Variants in ITSN2 observed in about 807,000 individuals in gnomAD.
ITSN2 encodes the protein intersectin-2.
ITSN2 carries 156 observed loss-of-function variants against 243.7 expected under a neutral mutation model. The ratio of observed to expected loss-of-function variants is 0.64; its 90% CI spans 0.56 to 0.73. The LOEUF (loss-of-function observed/expected upper bound fraction) is 0.73. Among genes scored for constraint, ITSN2 ranks in the 30% least tolerant of loss-of-function variants. The pLI is 0.00. For missense variants in ITSN2, 1,801 were observed against 1,996.1 expected, an observed-to-expected ratio of 0.90 and a Z score of 1.86; for synonymous variants, 703 against 699.9, an observed-to-expected ratio of 1.00 and a Z score of -0.07.
At chr2:24,270,814 T>C in intron 19 of ITSN2, 46 bp from the exon 20 acceptor site, 1 of 997,090 alleles carries the variant, frequency 1.0e-6, no homozygotes, top group Non-Finnish European at 1.6e-6. Context: ...CATGTATACA[T>C]CTTTGCTATG....
At chr2:24,358,866 T>C (rs1487637114) in intron 1 of ITSN2, among the ~76,000 whole-genome samples, 1 of 152,234 alleles carries the variant, frequency 6.6e-6, no homozygotes, top group Non-Finnish European at 1.5e-5. Context: ...TTAGTAATTC[T>C]GTACAGGTCA....
At chr2:24,346,656 T>C (rs1687558574) in intron 1 of ITSN2, among the ~76,000 whole-genome samples, 1 of 152,182 alleles carries the variant, frequency 6.6e-6, no homozygotes. Context: ...GGAAACTATG[T>C]GTGGGGTACA....
Position 24,316,155 on chromosome 2 carries a change from G to T in ITSN2, c.32-931C>A, listed in dbSNP as rs114799747. ...TGCACTGAGCAGACTAATAACTAGA[G>T]TTAGTAATAATAAACAGGTAGGGTG... is the stretch of plus-strand genomic sequence containing the variant. On this transcript the variant is annotated intron_variant, in intron 2 of 39. Transcript: ENST00000355123. Among the ~76,000 whole-genome samples the T allele has an allele frequency of 7.2e-5, 11 of 152,298 alleles. No individual in the cohort carries two copies. In the East Asian group the frequency reaches 2.1e-3, roughly 29 times the overall value.
At chr2:24,306,867 G>A (rs947899046) in intron 8 of ITSN2, among the ~76,000 whole-genome samples, 3 of 151,550 alleles carry the variant, frequency 2.0e-5, no homozygotes, top group African/African-American at 4.9e-5. Context: ...GTGCACTGGC[G>A]CAATCTCGGC....
intron 1 of ITSN2, chr2:24,330,719 T>G (rs1685690135): frequency 4.7e-6 from 3 of 634,988 alleles, no homozygotes; most frequent in African/African-American, 1.9e-5. Context: ...TGACAGTAGT[T>G]TGAAATACTA....
chr2:24,325,857 A>G (rs903408240), intron 2 of ITSN2, among the ~76,000 whole-genome samples: 10 of 152,172 alleles, frequency 6.6e-5, no homozygotes, highest in African/African-American at 2.2e-4. Context: ...CATTTACAGA[A>G]CATCTACTAT....
intron 30 of ITSN2, chr2:24,220,371 G>T (rs1670329791): frequency 1.4e-5 from 14 of 985,196 alleles, no homozygotes; most frequent in Non-Finnish European, 1.6e-5. Flanking sequence ...TCATTTTAAA[G>T]TGCTACTCGA....
At chr2:24,328,187 A>G (rs1234371033) in intron 1 of ITSN2, 72 bp from the exon 2 acceptor site, 3 of 1,051,630 alleles carry the variant, frequency 2.9e-6, no homozygotes, top group Non-Finnish European at 4.4e-6. Context: ...CCCGCTAAGC[A>G]GTAGGAATGT....
At chr2:24,333,046 G>T (rs1012506620) in intron 1 of ITSN2, among the ~76,000 whole-genome samples, 1 of 152,142 alleles carries the variant, frequency 6.6e-6, no homozygotes, top group Non-Finnish European at 1.5e-5. Flanking sequence ...ATCCCCACAA[G>T]GCAGATGATA....
At chr2:24,338,290 T>C (rs977253400) in intron 1 of ITSN2, among the ~76,000 whole-genome samples, 1 of 152,234 alleles carries the variant, frequency 6.6e-6, no homozygotes, top group Non-Finnish European at 1.5e-5. Context: ...CAGAAAATTT[T>C]TAAATCTACC....
At chr2:24,266,602 T>C (rs908355572) in intron 20 of ITSN2, among the ~76,000 whole-genome samples, 4 of 152,050 alleles carry the variant, frequency 2.6e-5, no homozygotes, top group Non-Finnish European at 4.4e-5. Flanking sequence ...TTATGAAATA[T>C]TATCCTGTAA....
rs1673795187 is a variant in ITSN2, at chr2:24,249,215, A to G, written c.3121-333T>C. Among the ~76,000 whole-genome samples, 1 of 152,206 alleles carries G rather than the reference A, an allele frequency of 6.6e-6. No homozygotes were observed. Among genetic ancestry groups the G allele is most frequent in the Non-Finnish European group, 1.5e-5 (1 of 68,024 alleles). On this transcript the variant is annotated intron_variant, in intron 25 of 39. Coordinates refer to ENST00000355123, the MANE Select transcript of ITSN2 (RefSeq NM_006277.3). This position sits in a 1 kb window ranked among gnomAD's most constrained non-coding sequence, Gnocchi z 4.4. ...CCATTTATCAATGGCGTTAGCACCAATGCCCACTATGCACAACATATGTGT... is the reference window on the plus strand; with the variant it reads ...CCATTTATCAATGGCGTTAGCACCAGTGCCCACTATGCACAACATATGTGT...
intron 5 of ITSN2, 49 bp from the exon 6 acceptor site, chr2:24,310,741 A>G: frequency 6.7e-7 from 1 of 1,492,546 alleles, no homozygotes; most frequent in Non-Finnish European, 9.2e-7. Flanking sequence ...ATCAATTATA[A>G]AACACATGCA....
At chr2:24,312,187 G>C in intron 5 of ITSN2, 25 bp downstream of exon 5, 7 of 1,556,980 alleles carry the variant, frequency 4.5e-6, no homozygotes, top group Non-Finnish European at 6.1e-6. Flanking sequence ...AGCAAATACA[G>C]GTATTTAAAT....
In ITSN2 at chr2:24,308,735, T is replaced by C. The variant is rs757081386; in HGVS notation, c.675A>G (p.Ser225=). ...CAGTCTTGGGTGAGTTCCCTGAGAGTGAAGCAGTCGAGGAAGTTGAGCTAT... is the reference window on the plus strand; with the variant it reads ...CAGTCTTGGGTGAGTTCCCTGAGAGCGAAGCAGTCGAGGAAGTTGAGCTAT... ...GSSSSTSSTA[S]LSGNSPKTGT... The change falls in exon 8 of 40, where the codon TCA becomes TCG. Residue 225 remains serine, a synonymous_variant. Transcript: ENST00000355123. 1 of 1,462,764 alleles carries C rather than the reference T, an allele frequency of 6.8e-7. No individual in the cohort carries two copies. Among genetic ancestry groups the C allele is most frequent in the Non-Finnish European group, 9.1e-7 (1 of 1,101,146 alleles). 90.6% of individuals were successfully genotyped at this position (1,462,764 alleles called of 1,614,324 possible).
intron 1 of ITSN2, among the ~76,000 whole-genome samples, chr2:24,346,271 A>G (rs927705463): frequency 6.6e-6 from 1 of 152,222 alleles, no homozygotes; most frequent in Non-Finnish European, 1.5e-5. Context: ...TGTGCTCTTG[A>G]TAAGATGAAA....
chr2:24,281,011 T>C (rs1286741244), intron 17 of ITSN2, among the ~76,000 whole-genome samples: 1 of 152,190 alleles, frequency 6.6e-6, no homozygotes, highest in Non-Finnish European at 1.5e-5. Context: ...ACCTGGTACA[T>C]CTATATCAAT....
intron 1 of ITSN2, among the ~76,000 whole-genome samples, chr2:24,348,185 C>T (rs1189840876): frequency 7.5e-6 from 1 of 133,988 alleles, no homozygotes; most frequent in Admixed American, 9.1e-5. Flanking sequence ...TTTTCAAATA[C>T]TATGATTTTT....
At chr2:24,325,520 G>A (rs1685073869) in intron 2 of ITSN2, among the ~76,000 whole-genome samples, 2 of 151,442 alleles carry the variant, frequency 1.3e-5, no homozygotes, top group African/African-American at 4.9e-5. Context: ...TCAACTAACA[G>A]AACCCTTTGA....
Sources: gnomAD v4.1 joint callset for allele counts (sites outside exome capture counted in the v4.1 genomes callset) on GRCh38, gnomAD v4.1.1 for gene constraint, Gnocchi (gnomAD v3.1) non-coding constraint, MANE v1.5 for transcripts, NCBI Gene and HGNC (gene_info 2026-07-23, HGNC 2026-07-21) for gene names.